The following ARHGAP12 variants were observed in gnomAD, a reference collection of about 807,000 sequenced individuals.
The protein encoded by ARHGAP12 is Rho GTPase activating protein 12.
Under a neutral mutation model 108.6 loss-of-function variants are expected in ARHGAP12, and 64 were observed. That is an observed-to-expected ratio of 0.59 (90% CI 0.48 to 0.73). The LOEUF (loss-of-function observed/expected upper bound fraction) is 0.73, where lower values mean the gene tolerates loss of function less well. Among genes scored for constraint, ARHGAP12 ranks in the 30% least tolerant of loss-of-function variants. The pLI is 0.00. For synonymous variants in ARHGAP12, 312 were observed against 337.2 expected (o/e 0.93, Z 0.82); for missense variants, 940 against 1,005.9 (o/e 0.93, Z 0.89).
intron 1 of ARHGAP12, among the ~76,000 whole-genome samples, chr10:31,915,299 T>C (rs1044199715): frequency 7.9e-5 from 12 of 151,952 alleles, no homozygotes; most frequent in South Asian, 2.1e-4. Flanking sequence ...GGCAGGAGAA[T>C]TGCTTGAACC....
At chr10:31,928,080 C>T (rs1005199216) in intron 1 of ARHGAP12, among the ~76,000 whole-genome samples, 1 of 152,128 alleles carries the variant, frequency 6.6e-6, no homozygotes, top group Non-Finnish European at 1.5e-5. Flanking sequence ...GGTGGATTCC[C>T]CGGGTGGGCT....
chr10:31,836,664 A>G (rs953553832), intron 9 of ARHGAP12, among the ~76,000 whole-genome samples: 4 of 152,302 alleles, frequency 2.6e-5, no homozygotes, highest in Admixed American at 2.6e-4. Context: ...AAGCCTTTAT[A>G]CCAATCAGAT....
chr10:31,861,670 A>G lies in ARHGAP12; in HGVS notation c.685-12T>C. ...GGAGGTGTGGTTGCCTGTGAAATAA[A>G]CATTTTTAAATTTCATGTTTAAACT... On this transcript the variant is annotated splice_polypyrimidine_tract_variant and intron_variant, in intron 3 of 19. Transcript: ENST00000344936. 1.3e-6 allele frequency: 2 copies of G among 1,569,076 alleles called. No homozygotes were observed. The highest frequency in any genetic ancestry group is 1.7e-6 in the Non-Finnish European group (2 of 1,163,334).
chr10:31,810,071 C>T (rs937484783), intron 16 of ARHGAP12, among the ~76,000 whole-genome samples: 1 of 152,094 alleles, frequency 6.6e-6, no homozygotes, highest in Non-Finnish European at 1.5e-5. Context: ...TACAAAATCT[C>T]TTTCATGATA....
chr10:31,869,240 A>T (rs1837448727), intron 3 of ARHGAP12, among the ~76,000 whole-genome samples: 1 of 151,976 alleles, frequency 6.6e-6, no homozygotes, highest in Non-Finnish European at 1.5e-5. Context: ...TTCATACTTT[A>T]AAAAAAATAA....
At chr10:31,873,673 C>T (rs146071782) in intron 3 of ARHGAP12, among the ~76,000 whole-genome samples, 68 of 152,322 alleles carry the variant, frequency 4.5e-4, no homozygotes, top group African/African-American at 1.6e-3. Flanking sequence ...ACCCCTTTCT[C>T]AAGCCCTAAC....
intron 7 of ARHGAP12, among the ~76,000 whole-genome samples, 188 bp downstream of exon 7, chr10:31,843,273 T>C: frequency 6.6e-6 from 1 of 152,130 alleles, no homozygotes; most frequent in Non-Finnish European, 1.5e-5. Context: ...AGTATGCAAT[T>C]TGGTAAAAGA....
At chr10:31,821,367 C>T (rs1835411529) in intron 11 of ARHGAP12, among the ~76,000 whole-genome samples, 1 of 152,110 alleles carries the variant, frequency 6.6e-6, no homozygotes, top group South Asian at 2.1e-4. Flanking sequence ...TGTACCTTGA[C>T]ATCTTTAAAT....
chr10:31,852,384 C>G, intron 6 of ARHGAP12, 133 bp downstream of exon 6: 1 of 751,060 alleles, frequency 1.3e-6, no homozygotes, highest in East Asian at 2.7e-5. Context: ...ACAGTATTCA[C>G]AGTGAATTCT....
In ARHGAP12 at chr10:31,881,110, G is replaced by A. The variant is rs201321029; in HGVS notation, c.685-19452C>T. Among the ~76,000 whole-genome samples the A allele has an allele frequency of 3.3e-5, 5 of 150,746 alleles. No individual in the cohort carries two copies. The East Asian group carries it at 9.7e-4, about 29-fold the overall frequency. On this transcript the variant is annotated intron_variant, in intron 3 of 19. Coordinates refer to ENST00000344936, the MANE Select transcript of ARHGAP12 (RefSeq NM_018287.7). Reference sequence around the variant, plus strand: ...CTACCTCAGCCTCCTGAGTGTCTGAGACTACAACAAGGATATGCCCATGCT... The same window carrying A: ...CTACCTCAGCCTCCTGAGTGTCTGAAACTACAACAAGGATATGCCCATGCT...
chr10:31,841,848 C>T (rs1372446320), intron 7 of ARHGAP12, among the ~76,000 whole-genome samples: 1 of 152,106 alleles, frequency 6.6e-6, no homozygotes, highest in Non-Finnish European at 1.5e-5. Flanking sequence ...CACATATTAG[C>T]TAGTTTGTTC....
At chr10:31,833,560 C>T (rs912256957) in intron 9 of ARHGAP12, among the ~76,000 whole-genome samples, 4 of 152,204 alleles carry the variant, frequency 2.6e-5, no homozygotes, top group Non-Finnish European at 5.9e-5. Flanking sequence ...CAAATGGTCA[C>T]AGGGATCAAG....
intron 3 of ARHGAP12, among the ~76,000 whole-genome samples, chr10:31,902,207 G>A (rs1410058572): frequency 1.3e-5 from 2 of 151,892 alleles, no homozygotes; most frequent in Non-Finnish European, 2.9e-5. Context: ...ACAGAATAGA[G>A]GACCCAGAAA....
intron 3 of ARHGAP12, among the ~76,000 whole-genome samples, chr10:31,863,584 T>A (rs1172474159): frequency 1.3e-5 from 2 of 152,176 alleles, no homozygotes; most frequent in South Asian, 4.1e-4. Context: ...AAGGCTAGCA[T>A]AATTCTGAAA....
At chr10:31,918,335 A>ACG (rs916514304) in intron 1 of ARHGAP12, among the ~76,000 whole-genome samples, 3 of 151,294 alleles carry the variant, frequency 2.0e-5, no homozygotes, top group African/African-American at 7.3e-5. Flanking sequence ...ACACACACAC[A>ACG]CACACACACA....
At chr10:31,837,696 T>C (rs1263456250) in intron 9 of ARHGAP12, among the ~76,000 whole-genome samples, 2 of 152,070 alleles carry the variant, frequency 1.3e-5, no homozygotes, top group African/African-American at 2.4e-5. Flanking sequence ...AAAGACCAGA[T>C]TGCACTAGGG....
At chr10:31,833,970 A>G (rs537599603) in intron 9 of ARHGAP12, among the ~76,000 whole-genome samples, 2 of 152,320 alleles carry the variant, frequency 1.3e-5, no homozygotes, top group African/African-American at 4.8e-5. Flanking sequence ...TACTATTTTA[A>G]TCATTACTAT....
At chr10:31,885,323 T>C (rs1347615530) in intron 3 of ARHGAP12, among the ~76,000 whole-genome samples, 1 of 152,220 alleles carries the variant, frequency 6.6e-6, no homozygotes, top group Non-Finnish European at 1.5e-5. Context: ...CTCTTTACCT[T>C]AGAAAGCAGC....
At chr10:31,884,722 ACATTT>A (rs1838127761) in intron 3 of ARHGAP12, among the ~76,000 whole-genome samples, 3 of 152,222 alleles carry the variant, frequency 2.0e-5, no homozygotes, top group Admixed American at 2.0e-4. Context: ...AAATGTTGAA[ACATTT>A]CATTACACAA....
Sources: allele counts gnomAD v4.1 joint callset (sites outside exome capture counted in the v4.1 genomes callset), GRCh38; gene constraint gnomAD v4.1.1; transcripts MANE v1.5; gene names NCBI Gene and HGNC (gene_info 2026-07-23, HGNC 2026-07-21).